KCNT2: variants seen among roughly 807,000 people sequenced by gnomAD.
The protein encoded by KCNT2 is potassium channel subfamily T member 2.
A neutral mutation model predicts 153.8 loss-of-function variants in KCNT2; 67 were observed. The observed-to-expected ratio is 0.44, with a 90% CI of 0.36 to 0.53. KCNT2 has a LOEUF of 0.53. Among genes scored for constraint, KCNT2 ranks in the 20% least tolerant of loss-of-function variants. KCNT2 has a pLI of 0.00. For synonymous variants in KCNT2, 500 were observed against 458.8 expected, an observed-to-expected ratio of 1.09 and a Z score of -1.15; for missense variants, 975 against 1,354.8, an observed-to-expected ratio of 0.72 and a Z score of 4.40.
intron 27 of KCNT2, among the ~76,000 whole-genome samples, chr1:196,230,137 G>A (rs977112288): frequency 6.6e-6 from 1 of 151,996 alleles, no homozygotes; most frequent in African/African-American, 2.4e-5. Flanking sequence ...AGCTAGAGAG[G>A]AGAAGACAAA....
intron 1 of KCNT2, among the ~76,000 whole-genome samples, chr1:196,571,656 T>C (rs1446904142): frequency 2.6e-5 from 4 of 152,044 alleles, no homozygotes; most frequent in African/African-American, 9.7e-5. Context: ...CTAATGCATA[T>C]CAAACTAGAG....
intron 1 of KCNT2, among the ~76,000 whole-genome samples, chr1:196,596,054 GTGTATATATATATATATATATATATA>G (rs59602994): frequency 0.53 from 73,299 of 138,380 alleles, 20,122 homozygotes; most frequent in Middle Eastern, 0.69. Context: ...ATTCCATGAT[GTGTATATATATATATATATATATATA>G]TATATATATA....
At chr1:196,582,290 T>C (rs944691361) in intron 1 of KCNT2, 13 of 152,220 alleles carry the variant, frequency 8.5e-5, no homozygotes, top group African/African-American at 3.1e-4. Flanking sequence ...GGGATAATAT[T>C]ATGCTTTCTC....
intron 22 of KCNT2, among the ~76,000 whole-genome samples, chr1:196,298,571 G>T (rs867019310): frequency 6.6e-6 from 1 of 151,952 alleles, no homozygotes; most frequent in Non-Finnish European, 1.5e-5. Flanking sequence ...TTCGCCAACC[G>T]GGAAGCAATC....
At chr1:196,476,980 C>G (rs1678591025) in intron 5 of KCNT2, among the ~76,000 whole-genome samples, 1 of 152,112 alleles carries the variant, frequency 6.6e-6, no homozygotes, top group African/African-American at 2.4e-5. Flanking sequence ...GTTTCTTATA[C>G]TTGACATAGC....
chr1:196,510,286 T>C (rs1572683906), intron 1 of KCNT2, among the ~76,000 whole-genome samples: 2 of 152,124 alleles, frequency 1.3e-5, no homozygotes, highest in South Asian at 2.1e-4. Context: ...TAATAAACCC[T>C]GGGCACTATG....
chr1:196,499,370 T>C (rs1680493793), intron 1 of KCNT2, among the ~76,000 whole-genome samples: 1 of 152,276 alleles, frequency 6.6e-6, no homozygotes, highest in Non-Finnish European at 1.5e-5. Flanking sequence ...ACCACGTTCA[T>C]TCATTAGAAT....
chr1:196,408,292 T>C (rs530538474), intron 12 of KCNT2, among the ~76,000 whole-genome samples: 1 of 151,744 alleles, frequency 6.6e-6, no homozygotes, highest in Non-Finnish European at 1.5e-5. Flanking sequence ...TCACATCCTA[T>C]TATTTTCTTT....
At chr1:196,255,477 CTCA>C (rs1353987383) in intron 26 of KCNT2, among the ~76,000 whole-genome samples, 16 of 151,770 alleles carry the variant, frequency 1.1e-4, no homozygotes, top group Admixed American at 7.2e-4. Context: ...CATATGGGTC[CTCA>C]TATTTCACCT....
chr1:196,445,185 G>C (rs1192364899), intron 8 of KCNT2, among the ~76,000 whole-genome samples: 2 of 151,378 alleles, frequency 1.3e-5, no homozygotes, highest in Non-Finnish European at 3.0e-5. Flanking sequence ...AATAATATAT[G>C]TATACATCCC....
At chr1:196,318,346 C>T (rs1402484183) in intron 20 of KCNT2, among the ~76,000 whole-genome samples, 1 of 151,600 alleles carries the variant, frequency 6.6e-6, no homozygotes, top group East Asian at 1.9e-4. Context: ...ATAACTGTCC[C>T]CAGACCAACA....
At chr1:196,419,835 T>C (rs1673057025) in intron 12 of KCNT2, among the ~76,000 whole-genome samples, 1 of 152,062 alleles carries the variant, frequency 6.6e-6, no homozygotes, top group Non-Finnish European at 1.5e-5. Context: ...TCCTTTTTCC[T>C]TTGGCTTCTT....
intron 25 of KCNT2, among the ~76,000 whole-genome samples, chr1:196,272,245 T>G (rs1658135112): frequency 6.6e-6 from 1 of 151,826 alleles, no homozygotes; most frequent in Non-Finnish European, 1.5e-5. Context: ...ATAAAAATTT[T>G]TATTTGAAAT....
Position 196,341,435 on chromosome 1 carries a change from A to G in KCNT2, c.1553+644T>C, listed in dbSNP as rs532776332. On this transcript the variant is annotated intron_variant, in intron 15 of 27. Transcript: ENST00000294725. ...TGGTAAAAAAATAGTAAGTCAAAGC[A>G]TCATAAGTTGGGGGTTCCTGTACAT... Among the ~76,000 whole-genome samples the G allele has an allele frequency of 8.5e-5, 13 of 152,180 alleles. No homozygotes were observed. The East Asian group carries it at 2.5e-3, about 29-fold the overall frequency.
chr1:196,509,358 A>G (rs181768556), intron 1 of KCNT2, among the ~76,000 whole-genome samples: 2 of 151,886 alleles, frequency 1.3e-5, no homozygotes, highest in African/African-American at 4.8e-5. Flanking sequence ...ACTGACAGGG[A>G]TAACTTGTGG....
chr1:196,383,924 A>T (rs1443391253), intron 13 of KCNT2, among the ~76,000 whole-genome samples: 4 of 152,222 alleles, frequency 2.6e-5, no homozygotes, highest in South Asian at 2.1e-4. Context: ...CAAATTAGAT[A>T]AAAAAATGCA....
At chr1:196,511,142 CACACACACACACACAA>C (rs1305841348) in intron 1 of KCNT2, among the ~76,000 whole-genome samples, 1 of 151,546 alleles carries the variant, frequency 6.6e-6, no homozygotes, top group Non-Finnish European at 1.5e-5. Context: ...CACACACACA[CACACACACACACACAA>C]CTTTTTAAAA....
intron 14 of KCNT2, among the ~76,000 whole-genome samples, chr1:196,356,300 T>C (rs951156946): frequency 3.3e-5 from 5 of 151,864 alleles, no homozygotes; most frequent in African/African-American, 1.2e-4. Context: ...CTGCACTTAG[T>C]CTGAGTAATT....
At chr1:196,591,399 G>A (rs538684136) in intron 1 of KCNT2, among the ~76,000 whole-genome samples, 1 of 152,180 alleles carries the variant, frequency 6.6e-6, no homozygotes, top group East Asian at 1.9e-4. Context: ...CACCCAGCCT[G>A]AGGTATTCCT....
Sources: allele counts gnomAD v4.1 joint callset (sites outside exome capture counted in the v4.1 genomes callset), GRCh38; gene constraint gnomAD v4.1.1; transcripts MANE v1.5; gene names NCBI Gene and HGNC (gene_info 2026-07-23, HGNC 2026-07-21).